Variants in SLC44A2 observed in about 807,000 individuals in gnomAD.
SLC44A2 encodes solute carrier family 44 member 2 (CTL2 blood group), also known as choline transporter-like protein 2.
Under a neutral mutation model 90.8 loss-of-function variants are expected in SLC44A2, and 57 were observed. That is an observed-to-expected ratio of 0.63 (90% CI 0.51 to 0.78). SLC44A2 has a LOEUF of 0.78. Ranked by LOEUF, SLC44A2 falls within the 30% of genes least tolerant of loss-of-function variation. SLC44A2 has a pLI of 0.00. For missense variants in SLC44A2, 794 were observed against 919.7 expected, an observed-to-expected ratio of 0.86 and a Z score of 1.77; for synonymous variants, 355 against 360.7, an observed-to-expected ratio of 0.98 and a Z score of 0.18.
chr19:10,637,717 C>G lies in SLC44A2; in HGVS notation c.1665C>G (p.Ile555Met). ...GCTTCTGGTGCCTGGAGAAGTTCAT[C>G]AAATTCCTTAATAGGAATGCCTACA... ...KCCFWCLEKF[I>M]KFLNRNAYIM... The change falls in exon 17 of 22, where the codon ATC (isoleucine) becomes ATG (methionine). Residue 555 changes from isoleucine to methionine, a missense_variant. Physicochemically the swap from Ile to Met is conservative, Grantham distance 10 (BLOSUM62 1). Transcript: ENST00000335757. 6.2e-7 allele frequency: 1 copy of G among 1,614,136 alleles called. No individual in the cohort carries two copies. Among genetic ancestry groups the G allele is most frequent in the Non-Finnish European group, 8.5e-7 (1 of 1,180,012 alleles).
At chr19:10,614,498 G>A (rs1194050139) in intron 1 of SLC44A2, among the ~76,000 whole-genome samples, 1 of 152,052 alleles carries the variant, frequency 6.6e-6, no homozygotes, top group Non-Finnish European at 1.5e-5. Context: ...CTCCCAAAAT[G>A]CTGGGATTGC....
At chr19:10,642,304 C>T in intron 20 of SLC44A2, 63 bp from the exon 21 acceptor site, 1 of 1,424,466 alleles carries the variant, frequency 7.0e-7, no homozygotes, top group South Asian at 1.2e-5. Flanking sequence ...AGGATGGACT[C>T]AGGGGGTGGG....
chr19:10,613,827 C>A (rs1479109013), intron 1 of SLC44A2, among the ~76,000 whole-genome samples: 4 of 152,088 alleles, frequency 2.6e-5, no homozygotes, highest in African/African-American at 9.7e-5. Context: ...GAAGGTGAAA[C>A]AGACAAGGAA....
At chr19:10,638,677 C>T (rs1036607169) in intron 20 of SLC44A2, among the ~76,000 whole-genome samples, 3 of 151,732 alleles carry the variant, frequency 2.0e-5, no homozygotes, top group African/African-American at 7.3e-5. Flanking sequence ...CTCTGTTGCC[C>T]AGGTTGGAGT....
At position 10,631,941 on chromosome 19, in the gene SLC44A2, T is replaced by C; in HGVS notation, c.700T>C (p.Trp234Arg). 1 of 1,614,206 alleles carries C rather than the reference T, an allele frequency of 6.2e-7. No individual in the cohort carries two copies. The highest frequency in any genetic ancestry group is 8.5e-7 in the Non-Finnish European group (1 of 1,180,028). ...IFEDYTVSWYWIIIGLVIAMA... is the reference protein window; with the variant it reads ...IFEDYTVSWYRIIIGLVIAMA... The stretch of plus-strand genomic sequence containing the variant: ...TGAAGATTACACCGTCTCTTGGTAC[T>C]GGATTATCATGTAAGTCAGGAGGGA... Residue 234 changes from tryptophan to arginine, a missense_variant, in exon 9 of 22, where the codon TGG becomes CGG. This residue lies in a region of SLC44A2 where 738 missense variants were observed against 841.1 expected (regional missense o/e 0.88). Transcript: ENST00000335757.
At chr19:10,614,484 C>T (rs2144815430) in intron 1 of SLC44A2, among the ~76,000 whole-genome samples, 1 of 152,220 alleles carries the variant, frequency 6.6e-6, no homozygotes, top group East Asian at 1.9e-4. Context: ...CCTCCCACCT[C>T]AGCCTCCCAA....
At chr19:10,612,550 C>T (rs112150878) in intron 1 of SLC44A2, among the ~76,000 whole-genome samples, 1 of 152,192 alleles carries the variant, frequency 6.6e-6, no homozygotes, top group African/African-American at 2.4e-5. Context: ...GCTGGCGATG[C>T]TCATTCCCCA....
chr19:10,613,757 G>T (rs2144814185), intron 1 of SLC44A2, among the ~76,000 whole-genome samples: 1 of 152,198 alleles, frequency 6.6e-6, no homozygotes, highest in South Asian at 2.1e-4. Context: ...GGTTTGATGT[G>T]ATTGCTGTCT....
chr19:10,625,922 G>T (rs373478770), intron 1 of SLC44A2, among the ~76,000 whole-genome samples: 4 of 151,780 alleles, frequency 2.6e-5, no homozygotes, highest in African/African-American at 9.7e-5. Flanking sequence ...TGCTGCCGGC[G>T]CCTCCTTCCC....
chr19:10,630,464 GTGGCCAACA>G (rs1014076894), intron 4 of SLC44A2, among the ~76,000 whole-genome samples: 1 of 150,810 alleles, frequency 6.6e-6, no homozygotes, highest in African/African-American at 2.4e-5. Flanking sequence ...CGAGACCAGT[GTGGCCAACA>G]TGGCAAAACC....
Position 10,626,299 on chromosome 19 carries a change from T to A in SLC44A2, c.84T>A (p.Asn28Lys), listed in dbSNP as rs755270940. The A allele has an allele frequency of 6.2e-7, 1 of 1,611,346 alleles. No individual in the cohort carries two copies. Among genetic ancestry groups the A allele is most frequent in the Non-Finnish European group, 8.5e-7 (1 of 1,177,536 alleles). Residue 28 changes from asparagine to lysine, a missense_variant and splice_region_variant, in exon 2 of 22, where the codon AAT becomes AAA. Transcript: ENST00000335757. ...YDPTFKGPIY[N>K]RGCTDIICCV... ...CCACTTTCAAAGGACCCATTTACAA[T>A]AGGTAAGAGCTCTGGGTTTTGGGGG...
At position 10,636,246 on chromosome 19, in the gene SLC44A2, C is replaced by G. The variant is rs1469914909; in HGVS notation, c.1234-77C>G. The G allele has an allele frequency of 2.0e-6, 3 of 1,521,438 alleles. No individual in the cohort carries two copies. The African/African-American group carries it at 4.2e-5, about 21-fold the overall frequency. The allele number at this position is 1,521,438 out of a possible 1,614,324, so 94.2% of individuals were successfully genotyped here. On this transcript the variant is annotated intron_variant, in intron 14 of 21. Coordinates refer to ENST00000335757, the MANE Select transcript of SLC44A2 (RefSeq NM_020428.4). The stretch of plus-strand genomic sequence containing the variant: ...TGTCCTACCTCATGGTTTTCCTGGC[C>G]CCACACCTGATGCTCAGAGCCCACT...
At chr19:10,613,383 G>T (rs1347347605) in intron 1 of SLC44A2, among the ~76,000 whole-genome samples, 1 of 151,880 alleles carries the variant, frequency 6.6e-6, no homozygotes, top group African/African-American at 2.4e-5. Flanking sequence ...CCGAGTAGCT[G>T]GGACTACAGG....
chr19:10,633,736 C>T lies in SLC44A2; in HGVS notation c.824-1020C>T, dbSNP rs118054014. Among the ~76,000 whole-genome samples the T allele has an allele frequency of 4.1e-3, 620 of 152,326 alleles. 23 individuals carry two copies. In the East Asian group the frequency reaches 0.096, roughly 24 times the overall value. On this transcript the variant is annotated intron_variant, in intron 10 of 21. Coordinates refer to ENST00000335757, the MANE Select transcript of SLC44A2 (RefSeq NM_020428.4). ...CCTCCCTAAGTGTTGGGATTACAGG[C>T]GCAAGCCACTGTGCCTGGCCCATAT... is the stretch of plus-strand genomic sequence containing the variant.
rs199672670 is a variant in SLC44A2 at position 10,635,463 on chromosome 19, A to C, written c.1181A>C (p.Lys394Thr). 6 of 1,613,918 alleles carry C rather than the reference A, an allele frequency of 3.7e-6. No homozygotes were observed. The highest frequency in any genetic ancestry group is 5.1e-6 in the Non-Finnish European group (6 of 1,180,018). ...TCCACTTCCAACGAAGCGGTCTATA[A>C]GATCTTTGATGACAGCCCCTGCCCA... ...FLSTSNEAVY[K>T]IFDDSPCPFT... Residue 394 changes from lysine (K) to threonine (T), a missense_variant, in exon 14 of 22, where the codon AAG becomes ACG. Lys to Thr is a moderately conservative substitution (Grantham distance 78, BLOSUM62 -1). Transcript: ENST00000335757.
At chr19:10,633,607 C>A (rs1479865055) in intron 10 of SLC44A2, among the ~76,000 whole-genome samples, 1 of 152,110 alleles carries the variant, frequency 6.6e-6, no homozygotes, top group Admixed American at 6.6e-5. Flanking sequence ...AGGCAAGCAC[C>A]ATCATGCCTG....
chr19:10,627,941 G>GA lies in SLC44A2; in HGVS notation c.185dup (p.Val63GlyfsTer6). On this transcript the variant is annotated frameshift_variant, in exon 4 of 22. Coordinates refer to ENST00000335757, the MANE Select transcript of SLC44A2 (RefSeq NM_020428.4). LOFTEE classifies it high-confidence loss of function. ...ACAGCCTGGACTCATGGAGACCCTCGAAAGGTGATCTACCCCACTGACAGC... is the reference window on the plus strand; with the variant it reads ...ACAGCCTGGACTCATGGAGACCCTCGAAAAGGTGATCTACCCCACTGACAGC... The GA allele has an allele frequency of 6.2e-7, 1 of 1,613,958 alleles. No homozygotes were observed. The highest frequency in any genetic ancestry group is 8.5e-7 in the Non-Finnish European group (1 of 1,179,974).
intron 1 of SLC44A2, among the ~76,000 whole-genome samples, chr19:10,611,433 G>C (rs1381703987): frequency 2.6e-5 from 4 of 151,496 alleles, no homozygotes; most frequent in African/African-American, 9.7e-5. Context: ...GCCTGGGCAA[G>C]AGAGTGAGAC....
At chr19:10,605,172 G>A (rs1918065813) in intron 1 of SLC44A2, among the ~76,000 whole-genome samples, 1 of 152,026 alleles carries the variant, frequency 6.6e-6, no homozygotes, top group African/African-American at 2.4e-5. Context: ...CACGAGGTCA[G>A]GAGATCGAGA....
Sources: allele counts gnomAD v4.1 joint callset (sites outside exome capture counted in the v4.1 genomes callset), GRCh38; gene constraint gnomAD v4.1.1; regional missense constraint gnomAD v4.1.1; transcripts MANE v1.5; gene names NCBI Gene and HGNC (gene_info 2026-07-23, HGNC 2026-07-21).